Variants in CDC42BPA observed in about 807,000 individuals in gnomAD.
CDC42BPA encodes the protein serine/threonine-protein kinase MRCK alpha.
A neutral mutation model predicts 223.5 loss-of-function variants in CDC42BPA; 80 were observed. That is an observed-to-expected ratio of 0.36 (90% CI 0.30 to 0.43). CDC42BPA has a LOEUF of 0.43. Ranked by LOEUF, CDC42BPA falls within the 20% of genes least tolerant of loss-of-function variation. CDC42BPA has a pLI of 1.00. For synonymous variants in CDC42BPA, 694 were observed against 718.6 expected (o/e 0.97, Z 0.55); for missense variants, 1,743 against 2,099.9 (o/e 0.83, Z 3.32).
chr1:227,075,133 C>T (rs559351857), intron 17 of CDC42BPA, among the ~76,000 whole-genome samples: 7 of 152,182 alleles, frequency 4.6e-5, no homozygotes, highest in Admixed American at 2.6e-4. Context: ...ATGAAAACCA[C>T]TGGTATACAG....
chr1:227,056,560 A>T (rs541697760), intron 21 of CDC42BPA, among the ~76,000 whole-genome samples: 6 of 152,022 alleles, frequency 3.9e-5, no homozygotes, highest in Admixed American at 2.6e-4. Flanking sequence ...GCTAATTTTT[A>T]AAAAATTTTT....
chr1:227,113,268 G>A (rs559475743), intron 12 of CDC42BPA, among the ~76,000 whole-genome samples: 6 of 152,324 alleles, frequency 3.9e-5, no homozygotes, highest in Admixed American at 2.0e-4. Context: ...TGTTGCCCTT[G>A]ACATGGAGGC....
At chr1:227,152,167 C>T (rs1661897399) in intron 6 of CDC42BPA, among the ~76,000 whole-genome samples, 1 of 152,114 alleles carries the variant, frequency 6.6e-6, no homozygotes, top group Non-Finnish European at 1.5e-5. Context: ...TATTTTCTCT[C>T]ATTCCATGTT....
At chr1:227,300,805 T>C (rs1045876012) in intron 1 of CDC42BPA, among the ~76,000 whole-genome samples, 2 of 152,208 alleles carry the variant, frequency 1.3e-5, no homozygotes, top group East Asian at 1.9e-4. Flanking sequence ...AAACCTCTTG[T>C]ACTCCAAAAG....
intron 2 of CDC42BPA, among the ~76,000 whole-genome samples, chr1:227,241,007 T>C (rs543298641): frequency 1.4e-4 from 21 of 152,000 alleles, no homozygotes; most frequent in Non-Finnish European, 2.5e-4. Context: ...AGCTCAACAA[T>C]AAAAATACAA....
intron 23 of CDC42BPA, among the ~76,000 whole-genome samples, chr1:227,043,106 A>G (rs1196307517): frequency 6.6e-6 from 1 of 152,192 alleles, no homozygotes; most frequent in Non-Finnish European, 1.5e-5. Flanking sequence ...AAAATTTTAA[A>G]ATGTTTTAAA....
At chr1:227,147,264 T>C in intron 7 of CDC42BPA, 95 bp downstream of exon 7, 1 of 800,724 alleles carries the variant, frequency 1.2e-6, no homozygotes, top group Non-Finnish European at 1.9e-6. Flanking sequence ...AATGTGATTG[T>C]TCACTGTTTT....
chr1:227,174,939 G>A (rs1458805948), intron 5 of CDC42BPA, among the ~76,000 whole-genome samples: 3 of 152,026 alleles, frequency 2.0e-5, no homozygotes, highest in African/African-American at 4.8e-5. Context: ...CATATGACTC[G>A]ACTTCTGTTC....
At chr1:227,157,575 T>C (rs1311653486) in intron 6 of CDC42BPA, among the ~76,000 whole-genome samples, 1 of 152,218 alleles carries the variant, frequency 6.6e-6, no homozygotes, top group Non-Finnish European at 1.5e-5. Flanking sequence ...TGGTTCTCTT[T>C]ATAGGTTTGA....
rs559888693 is a variant in CDC42BPA at position 227,131,221 on chromosome 1, C to T, written c.1391-1990G>A. ...ACGGCAGATACTGCTTGTTTTTACC[C>T]GACATCTATTCATCTCTTCTGTCTT... On this transcript the variant is annotated intron_variant, in intron 10 of 36. Transcript: ENST00000366766. 1.7e-3 allele frequency among the ~76,000 whole-genome samples: 257 copies of T among 152,236 alleles called. 3 individuals are homozygous for T. Among genetic ancestry groups the T allele is most frequent in the African/African-American group, 5.4e-3 (223 of 41,544 alleles).
Position 227,226,352 on chromosome 1 carries a change from C to T in CDC42BPA, c.271-13133G>A, listed in dbSNP as rs369354277. 7.9e-5 allele frequency among the ~76,000 whole-genome samples: 12 copies of T among 152,242 alleles called. No homozygotes were observed. In the South Asian group the frequency reaches 1.2e-3, roughly 16 times the overall value. On this transcript the variant is annotated intron_variant, in intron 2 of 36. Transcript: ENST00000366766. ...TCTTGATCTCTTTTAACAGAAAATCCGGTAATTTTGAACCTGATCTAGCTC... is the reference window on the plus strand; with the variant it reads ...TCTTGATCTCTTTTAACAGAAAATCTGGTAATTTTGAACCTGATCTAGCTC...
intron 10 of CDC42BPA, among the ~76,000 whole-genome samples, chr1:227,134,462 T>C (rs1658081506): frequency 6.6e-6 from 1 of 152,202 alleles, no homozygotes; most frequent in African/African-American, 2.4e-5. Context: ...CCATTTCACA[T>C]TTTCTCTTTT....
intron 2 of CDC42BPA, among the ~76,000 whole-genome samples, chr1:227,244,610 C>T (rs957867573): frequency 6.6e-6 from 1 of 152,100 alleles, no homozygotes; most frequent in Non-Finnish European, 1.5e-5. Context: ...AGGGGTGAAG[C>T]AAGGTAGCAG....
intron 8 of CDC42BPA, among the ~76,000 whole-genome samples, chr1:227,144,069 T>C (rs1008126402): frequency 5.3e-5 from 8 of 152,204 alleles, no homozygotes; most frequent in Non-Finnish European, 8.8e-5. Context: ...GGTTTTACAA[T>C]TATCAGTTAT....
At chr1:227,219,732 A>C (rs1460145514) in intron 2 of CDC42BPA, among the ~76,000 whole-genome samples, 2 of 152,150 alleles carry the variant, frequency 1.3e-5, no homozygotes, top group South Asian at 2.1e-4. Context: ...GGAAATGATT[A>C]TCTCTCTAGG....
chr1:227,074,842 T>C (rs1010727573), intron 17 of CDC42BPA, among the ~76,000 whole-genome samples: 1 of 152,214 alleles, frequency 6.6e-6, no homozygotes, highest in Non-Finnish European at 1.5e-5. Context: ...AATTAAGCTC[T>C]TCTGTTTTCT....
intron 2 of CDC42BPA, among the ~76,000 whole-genome samples, chr1:227,221,895 C>G (rs1211770793): frequency 6.6e-6 from 1 of 151,760 alleles, no homozygotes; most frequent in Non-Finnish European, 1.5e-5. Flanking sequence ...AGTTTTCCCT[C>G]AGCCTTTTGG....
intron 1 of CDC42BPA, among the ~76,000 whole-genome samples, chr1:227,297,524 G>A (rs1056669972): frequency 6.6e-6 from 1 of 152,096 alleles, no homozygotes; most frequent in Non-Finnish European, 1.5e-5. Context: ...ACCAAAAGGT[G>A]GAAACAACGC....
At chr1:227,104,405 C>A (rs981823165) in intron 14 of CDC42BPA, among the ~76,000 whole-genome samples, 2 of 152,090 alleles carry the variant, frequency 1.3e-5, no homozygotes, top group African/African-American at 4.8e-5. Context: ...TATTTATAAT[C>A]ACTAAAATTA....
Sources: gnomAD v4.1 joint callset for allele counts (sites outside exome capture counted in the v4.1 genomes callset) on GRCh38, gnomAD v4.1.1 for gene constraint, MANE v1.5 for transcripts, NCBI Gene and HGNC (gene_info 2026-07-23, HGNC 2026-07-21) for gene names.